Variants in FGD3 observed in about 807,000 individuals in gnomAD.
FGD3 encodes FYVE, RhoGEF and PH domain-containing protein 3.
Under a neutral mutation model 71.8 loss-of-function variants are expected in FGD3, and 45 were observed. The observed-to-expected ratio is 0.63, with a 90% CI of 0.49 to 0.80. The LOEUF (loss-of-function observed/expected upper bound fraction) is 0.80, where lower values mean the gene tolerates loss of function less well. Among genes scored for constraint, FGD3 ranks in the 30% least tolerant of loss-of-function variants. The pLI, the probability that FGD3 is intolerant of heterozygous loss-of-function variation, is 0.00. For synonymous variants in FGD3, 378 were observed against 392.8 expected, an observed-to-expected ratio of 0.96 and a Z score of 0.44; for missense variants, 844 against 951.5, an observed-to-expected ratio of 0.89 and a Z score of 1.49.
intron 3 of FGD3, among the ~76,000 whole-genome samples, chr9:92,990,024 T>C (rs1288886342): frequency 6.6e-6 from 1 of 152,146 alleles, no homozygotes; most frequent in Non-Finnish European, 1.5e-5. Flanking sequence ...TCAGCTAGTT[T>C]GTTGTTTGTG....
chr9:92,985,053 C>T (rs973601358), intron 3 of FGD3, among the ~76,000 whole-genome samples: 2 of 152,238 alleles, frequency 1.3e-5, no homozygotes, highest in Non-Finnish European at 1.5e-5. Context: ...GGTTGGGATT[C>T]TGTCCTGGGG....
intron 2 of FGD3, 123 bp from the exon 3 acceptor site, chr9:92,976,085 A>C: frequency 1.7e-6 from 1 of 604,062 alleles, no homozygotes; most frequent in Non-Finnish European, 2.9e-6. Flanking sequence ...CCCCCAGCCC[A>C]CCTGCTCCAG....
At chr9:93,013,639 T>C (rs1219356761) in intron 8 of FGD3, among the ~76,000 whole-genome samples, 3 of 152,236 alleles carry the variant, frequency 2.0e-5, no homozygotes, top group African/African-American at 4.8e-5. Flanking sequence ...GCTCTGTTCC[T>C]GTTTATCGTT....
intron 1 of FGD3, among the ~76,000 whole-genome samples, chr9:92,953,643 C>T (rs1052839141): frequency 3.9e-5 from 6 of 152,182 alleles, no homozygotes; most frequent in Non-Finnish European, 8.8e-5. Context: ...TGCACACGGG[C>T]CTCACAGTTC....
In FGD3 at chr9:92,956,530, G is replaced by A. The variant is rs182225434; in HGVS notation, c.-218+8801G>A. Among the ~76,000 whole-genome samples, 1,327 of 152,336 alleles carry A rather than the reference G, an allele frequency of 8.7e-3. 19 individuals are homozygous for A. The highest frequency in any genetic ancestry group is 8.9e-3 in the Non-Finnish European group (606 of 68,034). ...TGAGGACTCACAGAGGGACAACCACGTGAGGACACAAGGATATGATGGCTG... is the reference window on the plus strand; with the variant it reads ...TGAGGACTCACAGAGGGACAACCACATGAGGACACAAGGATATGATGGCTG... On this transcript the variant is annotated intron_variant, in intron 1 of 17. Transcript: ENST00000375482.
intron 3 of FGD3, among the ~76,000 whole-genome samples, chr9:92,991,238 C>G (rs945801296): frequency 6.6e-6 from 1 of 152,052 alleles, no homozygotes; most frequent in Non-Finnish European, 1.5e-5. Context: ...ACCACCACAC[C>G]CAGCTAATTT....
intron 3 of FGD3, among the ~76,000 whole-genome samples, chr9:93,002,636 G>A (rs1316688357): frequency 6.6e-6 from 1 of 152,122 alleles, no homozygotes; most frequent in Non-Finnish European, 1.5e-5. Flanking sequence ...TTAACCTTAT[G>A]TCTCTGAGCA....
At chr9:92,996,730 A>G (rs982268126) in intron 3 of FGD3, among the ~76,000 whole-genome samples, 1 of 151,906 alleles carries the variant, frequency 6.6e-6, no homozygotes, top group African/African-American at 2.4e-5. Context: ...TCATTTCGTT[A>G]TGTACCCAGT....
At chr9:93,010,432 A>C (rs1223816609) in intron 7 of FGD3, 48 bp downstream of exon 7, 2 of 1,555,102 alleles carry the variant, frequency 1.3e-6, no homozygotes, top group Non-Finnish European at 1.7e-6. Flanking sequence ...GCACCTGCCA[A>C]GAACTCTGGG....
chr9:93,009,824 C>G (rs1861231046), intron 6 of FGD3, among the ~76,000 whole-genome samples: 1 of 152,206 alleles, frequency 6.6e-6, no homozygotes, highest in African/African-American at 2.4e-5. Flanking sequence ...TAAGGACAAG[C>G]CCTGGCCCGA....
At chr9:92,959,894 T>A (rs1859137701) in intron 1 of FGD3, among the ~76,000 whole-genome samples, 1 of 151,370 alleles carries the variant, frequency 6.6e-6, no homozygotes, top group South Asian at 2.1e-4. Flanking sequence ...TGTACCCCCA[T>A]GCCCTCATTT....
At chr9:92,964,582 C>T (rs1564141746) in intron 1 of FGD3, among the ~76,000 whole-genome samples, 5 of 152,162 alleles carry the variant, frequency 3.3e-5, no homozygotes, top group Admixed American at 2.6e-4. Flanking sequence ...TTGTGGGCCT[C>T]GAATGGCAAG....
chr9:93,023,991 C>T (rs551975838), intron 14 of FGD3, among the ~76,000 whole-genome samples: 4 of 151,912 alleles, frequency 2.6e-5, no homozygotes, highest in South Asian at 2.1e-4. Flanking sequence ...TTAGTAGAGA[C>T]GGGGTTTCAC....
At position 92,948,467 on chromosome 9, in the gene FGD3, G is replaced by A. The variant is rs556115370; in HGVS notation, c.-218+738G>A. On this transcript the variant is annotated intron_variant, in intron 1 of 17. Transcript: ENST00000375482. The stretch of plus-strand genomic sequence containing the variant: ...GTCCTTGGGGATCCATGTTGTCCCG[G>A]CTCTTTGACTGCATGTTTCCTATGC... Among the ~76,000 whole-genome samples the A allele has an allele frequency of 1.2e-4, 19 of 152,332 alleles. No individual in the cohort carries two copies. The South Asian group carries it at 3.7e-3, about 30-fold the overall frequency.
intron 9 of FGD3, 135 bp downstream of exon 9, chr9:93,014,133 C>T (rs1861561038): frequency 8.9e-7 from 1 of 1,126,948 alleles, no homozygotes; most frequent in Admixed American, 3.5e-5. Flanking sequence ...ACTGTGGCTC[C>T]CTCTGAGACC....
intron 3 of FGD3, among the ~76,000 whole-genome samples, chr9:92,990,310 G>A (rs142333446): frequency 1.7e-3 from 261 of 152,092 alleles, no homozygotes; most frequent in Middle Eastern, 6.8e-3. Flanking sequence ...ATGGTGGTGC[G>A]GGCAACAAGT....
At chr9:93,013,722 C>G in intron 8 of FGD3, 130 bp from the exon 9 acceptor site, 1 of 1,148,742 alleles carries the variant, frequency 8.7e-7, no homozygotes, top group Non-Finnish European at 1.3e-6. Context: ...TGTTTTCCCT[C>G]CCACCCTTGT....
chr9:93,017,770 G>A (rs138929282), intron 10 of FGD3, among the ~76,000 whole-genome samples: 29 of 152,310 alleles, frequency 1.9e-4, no homozygotes, highest in Middle Eastern at 3.4e-3. Flanking sequence ...CTGCTGTGGC[G>A]GGCAGTGCCC....
intron 1 of FGD3, among the ~76,000 whole-genome samples, chr9:92,949,962 C>G (rs1220835704): frequency 2.0e-5 from 3 of 152,196 alleles, no homozygotes; most frequent in African/African-American, 7.2e-5. Context: ...CTCCCTTTCT[C>G]TTCTCTGTTT....
Sources: allele counts gnomAD v4.1 joint callset (sites outside exome capture counted in the v4.1 genomes callset), GRCh38; gene constraint gnomAD v4.1.1; transcripts MANE v1.5; gene names NCBI Gene and HGNC (gene_info 2026-07-23, HGNC 2026-07-21).